Variants in HTT observed in about 807,000 individuals in gnomAD.
HTT encodes huntingtin.
In HTT, 104 loss-of-function variants were observed where a neutral mutation model predicts 362.3. The ratio of observed to expected loss-of-function variants is 0.29; its 90% CI spans 0.24 to 0.34. HTT has a LOEUF of 0.34. Among genes scored for constraint, HTT ranks in the 10% least tolerant of loss-of-function variants. The pLI is 1.00. For missense variants in HTT, 3,301 were observed against 3,928.6 expected (o/e 0.84, Z 4.27); for synonymous variants, 1,577 against 1,548.7 (o/e 1.02, Z -0.43).
rs150003356 is a variant in HTT, at chr4:3,187,783, T to C, written c.5122T>C (p.Cys1708Arg). 6,417 of 1,612,478 alleles carry C rather than the reference T, an allele frequency of 4.0e-3. 21 individuals are homozygous for C. The highest frequency in any genetic ancestry group is 4.8e-3 in the Non-Finnish European group (5,704 of 1,178,466). Residue 1708 changes from cysteine to arginine, a missense_variant, in exon 39 of 67, where the codon TGT (cysteine) becomes CGT (arginine). By Grantham distance (180) the Cys-to-Arg change is radical (BLOSUM62 -3). This residue lies in a region of HTT where 2,316 missense variants were observed against 2,658.5 expected (regional missense o/e 0.87). Transcript: ENST00000355072. ...CTCCTTCTCTCCGTATTTAATCTCC[T>C]GTACAGTAATTAATAGGTTAAGAGA... ...ELSFSPYLIS[C>R]TVINRLRDGD...
intron 8 of HTT, 150 bp downstream of exon 8, chr4:3,116,413 T>G: frequency 1.6e-6 from 1 of 633,828 alleles, no homozygotes; most frequent in Non-Finnish European, 2.7e-6. Flanking sequence ...TGCTGACCTC[T>G]AGCTGTCTTC....
Position 3,228,591 on chromosome 4 carries a change from A to G in HTT, c.7849-24A>G. On this transcript the variant is annotated intron_variant, in intron 57 of 66. Coordinates refer to ENST00000355072, the MANE Select transcript of HTT (RefSeq NM_001388492.1). This position sits in a 1 kb window ranked among gnomAD's most constrained non-coding sequence, Gnocchi z 4.3. ...GCCTGGCACTGTGGCCGCAGCACTG[A>G]GCAGTGCCCCGTTTCTGTGGCAGGT... 1 of 1,541,652 alleles carries G rather than the reference A, an allele frequency of 6.5e-7. No homozygotes were observed. The highest frequency in any genetic ancestry group is 8.7e-7 in the Non-Finnish European group (1 of 1,144,322).
chr4:3,131,055 A>G (rs1715787280), intron 14 of HTT, among the ~76,000 whole-genome samples: 1 of 151,852 alleles, frequency 6.6e-6, no homozygotes, highest in African/African-American at 2.4e-5. Flanking sequence ...TGCATGCTGC[A>G]TTTATCCCCT....
At chr4:3,105,506 C>T (rs574233825) in intron 5 of HTT, 70 bp downstream of exon 5, 15 of 1,044,892 alleles carry the variant, frequency 1.4e-5, no homozygotes, top group African/African-American at 1.6e-5. Flanking sequence ...TGTCTCAGCT[C>T]AGATGTCATT....
intron 29 of HTT, among the ~76,000 whole-genome samples, chr4:3,169,713 A>G (rs1717883825): frequency 6.6e-6 from 1 of 152,176 alleles, no homozygotes; most frequent in South Asian, 2.1e-4. Context: ...AGCTGGGACT[A>G]TAGGCACGTG....
Position 3,103,857 on chromosome 4 carries a change from C to T in HTT, c.502C>T (p.Leu168Phe), listed in dbSNP as rs190411190. 6.2e-7 allele frequency: 1 copy of T among 1,606,434 alleles called. No individual in the cohort carries two copies. The highest frequency in any genetic ancestry group is 1.3e-5 in the African/African-American group (1 of 74,854). The stretch of plus-strand genomic sequence containing the variant: ...GGATTCTAATCTTCCAAGGTTACAG[C>T]TCGAGCTCTATAAGGAAATTAAAAA... ...LMDSNLPRLQ[L>F]ELYKEIKKNG... The change falls in exon 4 of 67, where the codon CTC becomes TTC. Residue 168 changes from leucine to phenylalanine, a missense_variant. Leu to Phe is a conservative substitution (Grantham distance 22, BLOSUM62 0). Transcript: ENST00000355072.
chr4:3,233,719 C>A (rs1260033133), intron 61 of HTT, among the ~76,000 whole-genome samples: 1 of 152,226 alleles, frequency 6.6e-6, no homozygotes, highest in African/African-American at 2.4e-5. Context: ...CCGCCCTGGC[C>A]CAGTACCTCC....
At chr4:3,222,236 C>T (rs1720707609) in intron 53 of HTT, 151 bp from the exon 54 acceptor site, 2 of 609,000 alleles carry the variant, frequency 3.3e-6, no homozygotes, top group Non-Finnish European at 5.9e-6. Flanking sequence ...ATAGTGTTCC[C>T]CGCATCATAG....
At chr4:3,138,065 GTTCCT>G (rs1290594067) in intron 21 of HTT, among the ~76,000 whole-genome samples, 1 of 145,380 alleles carries the variant, frequency 6.9e-6, no homozygotes, top group African/African-American at 2.6e-5. Context: ...ACATACCATT[GTTCCT>G]TCCTTCCTTC....
chr4:3,219,965 G>C (rs1351045561), intron 52 of HTT, among the ~76,000 whole-genome samples: 4 of 152,188 alleles, frequency 2.6e-5, no homozygotes, highest in Non-Finnish European at 5.9e-5. Context: ...AGGACAGGAA[G>C]TGGGAGGGCA....
chr4:3,238,883 C>T lies in HTT; in HGVS notation c.9120C>T (p.Leu3040=), dbSNP rs1027257412. 3 of 1,612,586 alleles carry T rather than the reference C, an allele frequency of 1.9e-6. No homozygotes were observed. Among genetic ancestry groups the T allele is most frequent in the Non-Finnish European group, 2.5e-6 (3 of 1,179,846 alleles). The part of the protein sequence containing the change: ...SMVRDWVMLS[L]SNFTQRAPVA... Reference sequence around the variant, plus strand: ...TCCGGGACTGGGTCATGCTGTCCCTCTCCAACTTCACGCAGAGGGCCCCGG... The same window carrying T: ...TCCGGGACTGGGTCATGCTGTCCCTTTCCAACTTCACGCAGAGGGCCCCGG... Residue 3040 remains leucine, a synonymous_variant, in exon 66 of 67, where the codon CTC becomes CTT. Coordinates refer to ENST00000355072, the MANE Select transcript of HTT (RefSeq NM_001388492.1).
chr4:3,107,858 T>C (rs1245107423), intron 6 of HTT, among the ~76,000 whole-genome samples: 1 of 152,178 alleles, frequency 6.6e-6, no homozygotes, highest in African/African-American at 2.4e-5. Flanking sequence ...TCAAACCCAC[T>C]TTAGTGTTTT....
intron 28 of HTT, 29 bp downstream of exon 28, chr4:3,157,228 T>A: frequency 6.3e-7 from 1 of 1,593,740 alleles, no homozygotes; most frequent in Non-Finnish European, 8.6e-7. Context: ...TTTAAAAATA[T>A]ATATGCACAC....
In HTT at chr4:3,179,480, A is replaced by T. The variant is rs539293777; in HGVS notation, c.4612+1034A>T. Reference sequence around the variant, plus strand: ...GGTCAGTGAGTATTCCTGTGTGTGCATGTCTCAGGGCCGGAGAGAGTATGT... The same window carrying T: ...GGTCAGTGAGTATTCCTGTGTGTGCTTGTCTCAGGGCCGGAGAGAGTATGT... On this transcript the variant is annotated intron_variant, in intron 35 of 66. Coordinates refer to ENST00000355072, the MANE Select transcript of HTT (RefSeq NM_001388492.1). 9.2e-5 allele frequency among the ~76,000 whole-genome samples: 14 copies of T among 152,202 alleles called. No homozygotes were observed. The South Asian group carries it at 2.9e-3, about 32-fold the overall frequency.
chr4:3,090,838 G>T (rs1578489298), intron 2 of HTT, among the ~76,000 whole-genome samples: 1 of 152,372 alleles, frequency 6.6e-6, no homozygotes, highest in African/African-American at 2.4e-5. Context: ...CAGGCCTGGT[G>T]TGGTGGCCCA....
intron 52 of HTT, among the ~76,000 whole-genome samples, chr4:3,219,095 G>A (rs1333992486): frequency 3.3e-5 from 5 of 152,224 alleles, no homozygotes; most frequent in South Asian, 4.1e-4. Flanking sequence ...AGTGCCTGGC[G>A]GTGCTGGAAG....
intron 35 of HTT, 33 bp downstream of exon 35, chr4:3,178,479 G>C (rs1439002525): frequency 6.2e-7 from 1 of 1,602,628 alleles, no homozygotes. Flanking sequence ...GTCGTCTTCG[G>C]TGTCGTGATG....
chr4:3,239,855 T>C lies in HTT; in HGVS notation c.9225T>C (p.His3075=). ...TSPWVAAILP[H]VISRMGKLEQ... ...TTAACTCCTGCACCAGCCTCCCACA[T>C]GTCATCAGCAGGATGGGCAAGCTGG... is the stretch of plus-strand genomic sequence containing the variant. Residue 3075 remains histidine, a synonymous_variant, in exon 67 of 67, where the codon CAT becomes CAC. Transcript: ENST00000355072. 2 of 1,557,266 alleles carry C rather than the reference T, an allele frequency of 1.3e-6. No homozygotes were observed. The highest frequency in any genetic ancestry group is 8.7e-7 in the Non-Finnish European group (1 of 1,149,692).
intron 6 of HTT, among the ~76,000 whole-genome samples, chr4:3,112,038 T>C (rs1714779702): frequency 6.6e-6 from 1 of 152,194 alleles, no homozygotes. Context: ...CTTGTTACTT[T>C]TTAGCTTCCG....
Sources: gnomAD v4.1 joint callset for allele counts (sites outside exome capture counted in the v4.1 genomes callset) on GRCh38, gnomAD v4.1.1 for gene constraint, gnomAD v4.1.1 regional missense constraint, Gnocchi (gnomAD v3.1) non-coding constraint, MANE v1.5 for transcripts, NCBI Gene and HGNC (gene_info 2026-07-23, HGNC 2026-07-21) for gene names.